Variants in LRRFIP2 observed in about 807,000 individuals in gnomAD.
LRRFIP2 encodes the protein leucine-rich repeat flightless-interacting protein 2.
Under a neutral mutation model 125.9 loss-of-function variants are expected in LRRFIP2, and 109 were observed. The observed-to-expected ratio is 0.87, with a 90% CI of 0.74 to 1.01. LRRFIP2 has a LOEUF of 1.01. LRRFIP2 is among the 50% of genes least tolerant of loss of function. The pLI is 0.00. For missense variants in LRRFIP2, 850 were observed against 862.3 expected, an observed-to-expected ratio of 0.99 and a Z score of 0.18; for synonymous variants, 291 against 293.1, an observed-to-expected ratio of 0.99 and a Z score of 0.07.
intron 1 of LRRFIP2, among the ~76,000 whole-genome samples, chr3:37,169,147 T>A (rs1200487306): frequency 6.6e-6 from 1 of 152,194 alleles, no homozygotes; most frequent in Non-Finnish European, 1.5e-5. Context: ...GTAAGTATAC[T>A]CTATGATGTT....
chr3:37,083,951 A>G, intron 18 of LRRFIP2, 145 bp from the exon 19 acceptor site: 1 of 574,588 alleles, frequency 1.7e-6, no homozygotes, highest in Non-Finnish European at 2.9e-6. Flanking sequence ...TTGTTTAGTA[A>G]CATGCATGTG....
chr3:37,125,231 T>A (rs191748358), intron 4 of LRRFIP2, among the ~76,000 whole-genome samples: 2 of 152,354 alleles, frequency 1.3e-5, no homozygotes, highest in East Asian at 3.9e-4. Context: ...TGTTACTAAG[T>A]TGACACCAAA....
chr3:37,118,027 T>C (rs995259139), intron 6 of LRRFIP2, among the ~76,000 whole-genome samples: 4 of 152,172 alleles, frequency 2.6e-5, no homozygotes, highest in African/African-American at 9.7e-5. Flanking sequence ...ACTAAATACA[T>C]GCAACAGTAA....
chr3:37,055,800 T>C (rs1016629095), intron 25 of LRRFIP2, among the ~76,000 whole-genome samples: 4 of 152,164 alleles, frequency 2.6e-5, no homozygotes, highest in African/African-American at 7.2e-5. Context: ...TGTAACCTTG[T>C]GGAGCCTCCC....
intron 18 of LRRFIP2, among the ~76,000 whole-genome samples, chr3:37,086,479 C>T (rs1385411593): frequency 3.9e-5 from 6 of 152,086 alleles, no homozygotes; most frequent in Admixed American, 3.9e-4. Context: ...ACCCAAATGC[C>T]TATCAACTGA....
At chr3:37,112,172 A>T (rs1165858062) in intron 8 of LRRFIP2, among the ~76,000 whole-genome samples, 1 of 152,026 alleles carries the variant, frequency 6.6e-6, no homozygotes, top group Non-Finnish European at 1.5e-5. Context: ...CCCCATCTCT[A>T]CAAAAATACA....
At chr3:37,061,816 C>T (rs1364079704) in intron 24 of LRRFIP2, among the ~76,000 whole-genome samples, 1 of 152,182 alleles carries the variant, frequency 6.6e-6, no homozygotes, top group East Asian at 1.9e-4. Flanking sequence ...CTCACTCCCA[C>T]AGTCATATAC....
At chr3:37,101,590 A>C (rs2094049829) in intron 15 of LRRFIP2, among the ~76,000 whole-genome samples, 2 of 150,552 alleles carry the variant, frequency 1.3e-5, no homozygotes, top group Non-Finnish European at 3.0e-5. Flanking sequence ...ACTTGAGCCC[A>C]GGAGGTTGAA....
chr3:37,113,390 C>A (rs2094628305), intron 7 of LRRFIP2, among the ~76,000 whole-genome samples: 1 of 152,132 alleles, frequency 6.6e-6, no homozygotes, highest in South Asian at 2.1e-4. Flanking sequence ...TCACTGCAGC[C>A]TAGAACTCCT....
At chr3:37,073,297 T>C (rs1449186024) in intron 20 of LRRFIP2, among the ~76,000 whole-genome samples, 1 of 152,262 alleles carries the variant, frequency 6.6e-6, no homozygotes, top group African/African-American at 2.4e-5. Context: ...CAAGCAGTTT[T>C]GAATTTTATT....
upstream of LRRFIP2, chr3:37,176,068 G>C (rs1450680105): frequency 6.6e-6 from 1 of 152,278 alleles, no homozygotes; most frequent in Non-Finnish European, 1.5e-5. Flanking sequence ...ACCTGTGTTA[G>C]GGCGCGCGCT....
intron 1 of LRRFIP2, among the ~76,000 whole-genome samples, chr3:37,161,552 C>T (rs889513261): frequency 5.3e-5 from 8 of 151,872 alleles, no homozygotes; most frequent in Admixed American, 2.0e-4. Flanking sequence ...CACAAAGTCT[C>T]GGGTAAAGAG....
At chr3:37,136,534 A>T in intron 2 of LRRFIP2, among the ~76,000 whole-genome samples, 1 of 152,276 alleles carries the variant, frequency 6.6e-6, no homozygotes, top group African/African-American at 2.4e-5. Flanking sequence ...ATTCTAATAC[A>T]TAAAACTTAA....
intron 25 of LRRFIP2, among the ~76,000 whole-genome samples, chr3:37,057,463 T>C (rs2087207189): frequency 6.6e-6 from 1 of 152,096 alleles, no homozygotes; most frequent in South Asian, 2.1e-4. Context: ...TCCTAACTGA[T>C]GTCCAACAGA....
chr3:37,145,947 T>G (rs2095847305), intron 2 of LRRFIP2, among the ~76,000 whole-genome samples: 1 of 152,238 alleles, frequency 6.6e-6, no homozygotes, highest in African/African-American at 2.4e-5. Context: ...ACTGCAGATT[T>G]TATAAGGATT....
chr3:37,136,984 CGGGGA>C (rs2095574428), intron 2 of LRRFIP2, among the ~76,000 whole-genome samples: 1 of 30,568 alleles, frequency 3.3e-5, no homozygotes, highest in Admixed American at 3.7e-4. Flanking sequence ...GGGGGGGGGG[CGGGGA>C]CAGGCTCTCA....
intron 23 of LRRFIP2, 55 bp from the exon 24 acceptor site, chr3:37,063,846 C>A (rs1324794532): frequency 1.2e-5 from 17 of 1,368,074 alleles, no homozygotes; most frequent in Non-Finnish European, 1.6e-5. Context: ...AGTACATAAA[C>A]AATTAAAAAT....
chr3:37,090,933 AAT>A (rs1198028694), intron 18 of LRRFIP2, among the ~76,000 whole-genome samples: 3 of 152,228 alleles, frequency 2.0e-5, no homozygotes, highest in Admixed American at 6.5e-5. Context: ...TGGTAACAGA[AAT>A]ATGCAACACT....
intron 1 of LRRFIP2, among the ~76,000 whole-genome samples, chr3:37,151,382 AAAAG>A (rs2096019719): frequency 2.0e-5 from 3 of 152,020 alleles, no homozygotes; most frequent in Admixed American, 2.0e-4. Context: ...GGAACATGAC[AAAAG>A]GTACTTCTTA....
Sources: allele counts gnomAD v4.1 joint callset (sites outside exome capture counted in the v4.1 genomes callset), GRCh38; gene constraint gnomAD v4.1.1; transcripts MANE v1.5; gene names NCBI Gene and HGNC (gene_info 2026-07-23, HGNC 2026-07-21).